The following GALNT13 variants were observed in gnomAD, a reference collection of about 807,000 sequenced individuals.
The protein encoded by GALNT13 is polypeptide N-acetylgalactosaminyltransferase 13.
Under a neutral mutation model 64.2 loss-of-function variants are expected in GALNT13, and 28 were observed. The ratio of observed to expected loss-of-function variants is 0.44; its 90% confidence interval spans 0.32 to 0.60. GALNT13 has a LOEUF of 0.60. Ranked by LOEUF, GALNT13 falls within the 20% of genes least tolerant of loss-of-function variation. The pLI is 0.05. For synonymous variants in GALNT13, 214 were observed against 224.6 expected (o/e 0.95, Z 0.42); for missense variants, 577 against 669.8 (o/e 0.86, Z 1.53).
chr2:154,434,454 T>A (rs1032622283), intron 11 of GALNT13, among the ~76,000 whole-genome samples: 7 of 151,702 alleles, frequency 4.6e-5, no homozygotes, highest in Admixed American at 1.3e-4. Context: ...AGAGACGGGG[T>A]TTCACCGTGT....
chr2:153,802,370 T>C, the GALNT13 span, among the ~76,000 whole-genome samples: 1 of 152,236 alleles, frequency 6.6e-6, no homozygotes, highest in Admixed American at 6.5e-5. Flanking sequence ...GAAAATCACA[T>C]TGATCTCTCA....
At position 154,212,844 on chromosome 2, in the gene GALNT13, T is replaced by C. The variant is rs1687852145; in HGVS notation, c.312-29186T>C. ...TCCCTTAATACAATGTTTTTTTTTT[T>C]CAGACTTGTGCATTTTTTTTCACTT... On this transcript the variant is annotated intron_variant, in intron 4 of 12. Coordinates refer to ENST00000392825, the MANE Select transcript of GALNT13 (RefSeq NM_052917.4). 1.3e-5 allele frequency among the ~76,000 whole-genome samples: 2 copies of C among 152,064 alleles called. 1 individual carries two copies. Among genetic ancestry groups the C allele is most frequent in the South Asian group, 4.1e-4 (2 of 4,830 alleles).
chr2:153,282,818 T>C, the GALNT13 span, among the ~76,000 whole-genome samples: 8 of 152,236 alleles, frequency 5.3e-5, no homozygotes, highest in East Asian at 1.9e-4. Context: ...TAGGGTTTTT[T>C]CTTTTTCTGT....
the GALNT13 span, among the ~76,000 whole-genome samples, chr2:153,630,813 T>TTATTTA: frequency 3.9e-5 from 2 of 50,660 alleles, no homozygotes; most frequent in African/African-American, 1.3e-4. Context: ...ATATATTTTT[T>TTATTTA]TTTTTTTTTT....
At chr2:153,650,033 C>T in the GALNT13 span, among the ~76,000 whole-genome samples, 1 of 152,138 alleles carries the variant, frequency 6.6e-6, no homozygotes, top group Admixed American at 6.6e-5. Context: ...AACTTTCTGT[C>T]TCATTGATCT....
the GALNT13 span, among the ~76,000 whole-genome samples, chr2:153,806,727 T>G: frequency 6.6e-6 from 1 of 151,060 alleles, no homozygotes; most frequent in African/African-American, 2.4e-5. Flanking sequence ...AGCTTTACCA[T>G]GAGTATAAAA....
chr2:154,319,980 A>G (rs528571762), intron 9 of GALNT13, among the ~76,000 whole-genome samples: 1 of 152,248 alleles, frequency 6.6e-6, no homozygotes, highest in South Asian at 2.1e-4. Flanking sequence ...ATATATATAC[A>G]TATCCCTATA....
chr2:153,715,377 G>T, the GALNT13 span, among the ~76,000 whole-genome samples: 1 of 152,216 alleles, frequency 6.6e-6, no homozygotes, highest in Non-Finnish European at 1.5e-5. Context: ...CAGCCCTCCA[G>T]TCTCCTTAGC....
chr2:153,864,206 T>C, the GALNT13 span, among the ~76,000 whole-genome samples: 1 of 152,190 alleles, frequency 6.6e-6, no homozygotes, highest in East Asian at 1.9e-4. Flanking sequence ...CAGTGATTTG[T>C]TGCTCTCCGT....
At chr2:153,630,965 G>C in the GALNT13 span, among the ~76,000 whole-genome samples, 9 of 149,976 alleles carry the variant, frequency 6.0e-5, no homozygotes, top group Non-Finnish European at 1.0e-4. Flanking sequence ...CCCCACTCCC[G>C]CCACCCCACA....
intron 9 of GALNT13, among the ~76,000 whole-genome samples, chr2:154,335,840 A>G (rs1695415678): frequency 6.6e-6 from 1 of 152,056 alleles, no homozygotes; most frequent in South Asian, 2.1e-4. Flanking sequence ...TAGAAGTTAA[A>G]CTGCTGGAAT....
the GALNT13 span, among the ~76,000 whole-genome samples, chr2:153,583,394 T>C: frequency 6.6e-6 from 1 of 152,182 alleles, no homozygotes; most frequent in Non-Finnish European, 1.5e-5. Flanking sequence ...ACCAAAGTAA[T>C]GTGTAGACAA....
At chr2:153,743,355 C>T in the GALNT13 span, among the ~76,000 whole-genome samples, 5 of 151,984 alleles carry the variant, frequency 3.3e-5, no homozygotes, top group South Asian at 2.1e-4. Flanking sequence ...CTGCAATGAA[C>T]GTGGAAGTGC....
the GALNT13 span, among the ~76,000 whole-genome samples, chr2:153,363,322 G>T: frequency 6.6e-6 from 1 of 151,952 alleles, no homozygotes; most frequent in Non-Finnish European, 1.5e-5. Context: ...GCAATGAAAA[G>T]AACTAGAAAA....
At chr2:153,441,205 A>C in the GALNT13 span, among the ~76,000 whole-genome samples, 2 of 152,044 alleles carry the variant, frequency 1.3e-5, no homozygotes, top group African/African-American at 2.4e-5. Context: ...TAAATAGGAA[A>C]TCCTCTCCTC....
intron 9 of GALNT13, among the ~76,000 whole-genome samples, chr2:154,332,855 T>G (rs569518743): frequency 6.6e-6 from 1 of 152,166 alleles, no homozygotes; most frequent in Non-Finnish European, 1.5e-5. Context: ...ATCTATCTTC[T>G]CATGTACATA....
chr2:153,478,622 G>A, the GALNT13 span: 8 of 1,382,284 alleles, frequency 5.8e-6, no homozygotes, highest in Middle Eastern at 2.3e-4. Flanking sequence ...GAAGGCGGCG[G>A]CGCTGGAGGA....
chr2:153,580,346 CAA>C, the GALNT13 span, among the ~76,000 whole-genome samples: 2 of 142,408 alleles, frequency 1.4e-5, no homozygotes, highest in African/African-American at 2.6e-5. Flanking sequence ...TCCATTTGAC[CAA>C]AAAAAAAAAA....
At chr2:153,502,127 G>A in the GALNT13 span, among the ~76,000 whole-genome samples, 2 of 151,958 alleles carry the variant, frequency 1.3e-5, no homozygotes, top group Admixed American at 1.3e-4. Context: ...GGGAACAGGT[G>A]GTGTTTGGTT....
Sources: gnomAD v4.1 joint callset for allele counts (sites outside exome capture counted in the v4.1 genomes callset) on GRCh38, gnomAD v4.1.1 for gene constraint, MANE v1.5 for transcripts, NCBI Gene and HGNC (gene_info 2026-07-23, HGNC 2026-07-21) for gene names.